Variants in TAF1 observed in about 807,000 individuals in gnomAD.
The protein encoded by TAF1 is TATA-box binding protein associated factor 1, also known as transcription initiation factor TFIID subunit 1.
TAF1 carries 2 observed loss-of-function variants against 138.5 expected under a neutral mutation model. The observed-to-expected ratio is 0.01, with a 90% CI of 0.01 to 0.05. The LOEUF (loss-of-function observed/expected upper bound fraction) is 0.05. Among genes scored for constraint, TAF1 ranks in the 10% least tolerant of loss-of-function variants. The probability of loss-of-function intolerance (pLI) is 1.00; values close to 1 mark genes in which losing one functional copy is unlikely to be tolerated. For synonymous variants in TAF1, 437 were observed against 503.2 expected (o/e 0.87, Z 1.76); for missense variants, 709 against 1,478.0 (o/e 0.48, Z 8.53).
intron 32 of TAF1, among the ~76,000 whole-genome samples, chrX:71,431,049 C>G (rs1401079641): frequency 1.3e-5 from 1 of 75,104 alleles, no homozygotes; most frequent in Admixed American, 2.1e-4. Context: ...GAATCTTGCT[C>G]TGTCGCCCAG....
In TAF1 at chrX:71,421,311, C is replaced by A. The variant is rs1204200957; in HGVS notation, c.4387C>A (p.Pro1463Thr). ...IVKNSATYNG[P>T]KHSLTQISQS... is the part of the protein sequence containing the mutation. ...CATCTCTTTCTGTTCCTCTACAGGG[C>A]CAAAACACTCATTGACTCAGATCTC... Residue 1463 changes from proline (P) to threonine (T), a missense_variant and splice_region_variant, in exon 29 of 38, where the codon CCA (proline) becomes ACA (threonine). Around this residue, in one of 14 missense-constraint regions of TAF1, gnomAD observed 63 missense variants for 163.3 expected, o/e 0.39. Transcript: ENST00000423759. 2 of 1,180,304 alleles carry A rather than the reference C, an allele frequency of 1.7e-6. No individual in the cohort carries two copies. The highest frequency in any genetic ancestry group is 2.3e-6 in the Non-Finnish European group (2 of 875,651).
At chrX:71,505,908 T>C (rs751043758) in intron 13 of TAF1, among the ~76,000 whole-genome samples, 74 of 110,935 alleles carry the variant, frequency 6.7e-4, no homozygotes, top group Non-Finnish European at 1.3e-3. Context: ...TAATCCCAGC[T>C]ACTCGGGAGG....
chrX:71,512,271 T>A (rs7884053), intron 13 of TAF1, among the ~76,000 whole-genome samples: 1 of 110,440 alleles, frequency 9.1e-6, no homozygotes, highest in Non-Finnish European at 1.9e-5. Context: ...GCTGAGATCA[T>A]GCCACTGCAC....
rs892774670 is a variant in TAF1, at chrX:71,503,324, G to A, written c.1367-25218G>A. 8.8e-4 allele frequency among the ~76,000 whole-genome samples: 82 copies of A among 92,736 alleles called. 1 individual carries two copies. The highest frequency in any genetic ancestry group is 3.4e-3 in the African/African-American group (76 of 22,493). 80.5% of individuals were successfully genotyped at this position (92,736 alleles called of 115,157 possible). ...TATATATATATATATATATATATGT[G>A]TGTGTATATATATATATATGTGTAT... On this transcript the variant is annotated intron_variant and NMD_transcript_variant, in intron 13 of 14. Coordinates refer to the TAF1 transcript ENST00000373775.
chrX:71,517,024 T>A (rs1367201836), intron 13 of TAF1, among the ~76,000 whole-genome samples: 6 of 111,200 alleles, frequency 5.4e-5, no homozygotes, highest in Non-Finnish European at 1.1e-4. Flanking sequence ...GGGTGTTTTT[T>A]AACCACAATT....
chrX:71,516,566 C>T (rs943729747), intron 13 of TAF1, among the ~76,000 whole-genome samples: 1 of 106,708 alleles, frequency 9.4e-6, no homozygotes, highest in Non-Finnish European at 1.9e-5. Context: ...CACTTGAGCC[C>T]AAGAGTTCAA....
At chrX:71,479,830 A>G (rs1003830153) in intron 13 of TAF1, among the ~76,000 whole-genome samples, 2 of 111,449 alleles carry the variant, frequency 1.8e-5, no homozygotes, top group Non-Finnish European at 3.8e-5. Context: ...TTTTAAGCTG[A>G]AAAAAAAGTG....
chrX:71,431,293 C>T (rs932316529), intron 32 of TAF1, among the ~76,000 whole-genome samples: 9 of 109,554 alleles, frequency 8.2e-5, no homozygotes, highest in African/African-American at 3.0e-4. Context: ...AAACTCCTGA[C>T]CTCAAATGCT....
chrX:71,529,996 C>G (rs1256300332), exon 15 of TAF1: 2 of 178,215 alleles, frequency 1.1e-5, no homozygotes, highest in African/African-American at 3.1e-5. Context: ...CAGAAAGCTG[C>G]CTTTTTCAAT....
chrX:71,463,372 A>G (rs1275978345), intron 37 of TAF1, among the ~76,000 whole-genome samples: 1 of 111,193 alleles, frequency 9.0e-6, no homozygotes, highest in Non-Finnish European at 1.9e-5. Flanking sequence ...ATTGGAGGAG[A>G]GCAAGACTGG....
At chrX:71,399,441 A>G (rs1180006746) in intron 24 of TAF1, among the ~76,000 whole-genome samples, 1 of 105,325 alleles carries the variant, frequency 9.5e-6, no homozygotes, top group Non-Finnish European at 1.9e-5. Flanking sequence ...TATTTTTAGT[A>G]GAGACGAGGT....
Position 71,423,199 on chromosome X carries a change from T to G in TAF1, c.4535T>G (p.Leu1512Arg). 8.3e-7 allele frequency: 1 copy of G among 1,211,533 alleles called. No homozygotes were observed. The highest frequency in any genetic ancestry group is 1.1e-6 in the Non-Finnish European group (1 of 895,409). The change falls in exon 30 of 38, where the codon CTG becomes CGG. Residue 1512 changes from leucine (L) to arginine (R), a missense_variant. Coordinates refer to ENST00000423759, the MANE Select transcript of TAF1 (RefSeq NM_004606.5). ...DDDQVAFSFI[L>R]DNIVTQKMMA... is the part of the protein sequence containing the mutation. ...GACCAAGTGGCGTTTTCTTTCATTC[T>G]GGACAACATTGTCACCCAGAAAATG...
chrX:71,375,591 C>G (rs1293842541), intron 4 of TAF1, among the ~76,000 whole-genome samples: 1 of 110,980 alleles, frequency 9.0e-6, no homozygotes, highest in Non-Finnish European at 1.9e-5. Flanking sequence ...CCCCTTGAGC[C>G]TGATTCAGAA....
intron 3 of TAF1, among the ~76,000 whole-genome samples, chrX:71,370,165 C>T (rs1330777259): frequency 1.8e-5 from 2 of 111,942 alleles, no homozygotes; most frequent in African/African-American, 3.2e-5. Flanking sequence ...GGGCAGGTTG[C>T]AGTGAGCCGA....
intron 32 of TAF1, among the ~76,000 whole-genome samples, chrX:71,442,743 A>G (rs908882883): frequency 1.8e-5 from 2 of 111,854 alleles, no homozygotes; most frequent in African/African-American, 6.5e-5. Context: ...GCCCATGCCT[A>G]TGTCCTGAAT....
At chrX:71,462,816 G>A (rs1044591159) in intron 37 of TAF1, among the ~76,000 whole-genome samples, 2 of 111,216 alleles carry the variant, frequency 1.8e-5, no homozygotes, top group African/African-American at 3.3e-5. Flanking sequence ...ATTTAAAAAC[G>A]TGCATCCCCT....
chrX:71,478,831 G>T (rs2039024506), intron 13 of TAF1, among the ~76,000 whole-genome samples: 1 of 112,601 alleles, frequency 8.9e-6, no homozygotes, highest in Non-Finnish European at 1.9e-5. Flanking sequence ...CAATAAACGT[G>T]AAAATGTTGG....
chrX:71,393,583 A>C, intron 21 of TAF1, 107 bp downstream of exon 21: 1 of 964,758 alleles, frequency 1.0e-6, no homozygotes, highest in Admixed American at 3.9e-5. Flanking sequence ...CTACCTAGGT[A>C]GTCAGATATC....
At chrX:71,483,155 T>TC (rs1436845748) in intron 13 of TAF1, among the ~76,000 whole-genome samples, 4 of 96,226 alleles carry the variant, frequency 4.2e-5, no homozygotes, top group Non-Finnish European at 6.3e-5. Context: ...TCTTTTCTTT[T>TC]TTTTTTTTTT....
Sources: allele counts gnomAD v4.1 joint callset (sites outside exome capture counted in the v4.1 genomes callset), GRCh38; gene constraint gnomAD v4.1.1; regional missense constraint gnomAD v4.1.1; transcripts MANE v1.5; gene names NCBI Gene and HGNC (gene_info 2026-07-23, HGNC 2026-07-21).